Variants in NAV1 observed in about 807,000 individuals in gnomAD.
The protein encoded by NAV1 is pore membrane and/or filament interacting like protein 3.
A neutral mutation model predicts 175.2 loss-of-function variants in NAV1; 18 were observed. That is an observed-to-expected ratio of 0.10 (90% CI 0.07 to 0.15). The LOEUF is 0.15. Ranked by LOEUF, NAV1 falls within the 10% of genes least tolerant of loss-of-function variation. The pLI, the probability that NAV1 is intolerant of heterozygous loss-of-function variation, is 1.00. For missense variants in NAV1, 1,731 were observed against 2,436.6 expected, an observed-to-expected ratio of 0.71 and a Z score of 6.10; for synonymous variants, 897 against 978.7, an observed-to-expected ratio of 0.92 and a Z score of 1.56.
intron 29 of NAV1, 80 bp from the exon 34 acceptor site, chr1:201,819,757 T>G: frequency 7.7e-7 from 1 of 1,292,486 alleles, no homozygotes; most frequent in Non-Finnish European, 1.1e-6. Flanking sequence ...AGTGTTGGGA[T>G]TTTGTTGTTG....
chr1:201,741,898 C>A (rs955439298), intron 3 of NAV1, among the ~76,000 whole-genome samples: 1 of 152,196 alleles, frequency 6.6e-6, no homozygotes, highest in Admixed American at 6.5e-5. Flanking sequence ...TAGCTCATTA[C>A]CAGAAACAGA....
intron 2 of NAV1, among the ~76,000 whole-genome samples, chr1:201,615,472 C>A (rs930131817): frequency 2.6e-5 from 4 of 152,068 alleles, no homozygotes; most frequent in African/African-American, 7.2e-5. Flanking sequence ...ACCATCTTGG[C>A]TAGGCTGGTT....
chr1:201,766,465 G>C (rs1009773464), intron 3 of NAV1, among the ~76,000 whole-genome samples: 1 of 152,172 alleles, frequency 6.6e-6, no homozygotes, highest in African/African-American at 2.4e-5. Context: ...TCTCTAGATG[G>C]TCTTGATTCA....
rs779069955 is a variant in NAV1 at position 201,786,448 on chromosome 1, G to C, written c.2866G>C (p.Glu956Gln). 18 of 1,613,330 alleles carry C rather than the reference G, an allele frequency of 1.1e-5. No homozygotes were observed. Among genetic ancestry groups the C allele is most frequent in the Admixed American group, 1.7e-5 (1 of 59,928 alleles). Residue 956 changes from glutamate to glutamine, a missense_variant, in exon 9 of 30, where the codon GAG becomes CAG. This residue lies in a region of NAV1 where 634 missense variants were observed against 766.8 expected (regional missense o/e 0.83). Transcript: ENST00000367296. ...CTACAGGTACCAGCTTCAGTCCCAG[G>C]AGGAGACCAAGGAGAGGCGACATTC... is the stretch of plus-strand genomic sequence containing the variant.
rs764782868 is a variant in NAV1, at chr1:201,808,545, C to T, written c.3973C>T (p.Arg1325Cys). 1.9e-6 allele frequency: 3 copies of T among 1,614,096 alleles called. No individual in the cohort carries two copies. The highest frequency in any genetic ancestry group is 1.7e-5 in the Admixed American group (1 of 60,010). Residue 1325 changes from arginine (R) to cysteine (C), a missense_variant, in exon 19 of 30, where the codon CGC (arginine) becomes TGC (cysteine). Around this residue, in one of 13 missense-constraint regions of NAV1, gnomAD observed 18 missense variants for 56.2 expected, o/e 0.32. Transcript: ENST00000367296. The surrounding 1 kb of genome is among the most constrained non-coding windows in gnomAD (Gnocchi z 5.5). ...GAAGGAAATGAAGCTTACAGACATC[C>T]GCTTGGAGGCCCTCAACTCTGCCCA...
chr1:201,818,228 C>T (rs1197680635), intron 29 of NAV1, among the ~76,000 whole-genome samples: 2 of 151,834 alleles, frequency 1.3e-5, no homozygotes, highest in African/African-American at 4.8e-5. Flanking sequence ...GACCCCATCT[C>T]TTAGGAGAAA....
chr1:201,802,503 G>A (rs1353555941), intron 15 of NAV1, among the ~76,000 whole-genome samples: 2 of 150,092 alleles, frequency 1.3e-5, no homozygotes, highest in Non-Finnish European at 3.0e-5. Flanking sequence ...AAAGGAGGCC[G>A]GGCGCAGTGG....
At chr1:201,648,577 TC>T in exon 1 of NAV1, 3 of 1,138,946 alleles carry the variant, frequency 2.6e-6, no homozygotes, top group Non-Finnish European at 3.3e-6. Flanking sequence ...CCCCTCCTCC[TC>T]CCCCGCCTCC....
intron 1 of NAV1, among the ~76,000 whole-genome samples, chr1:201,703,253 A>T (rs1330775189): frequency 6.6e-6 from 1 of 152,222 alleles, no homozygotes; most frequent in African/African-American, 2.4e-5. Context: ...TGGGCAGGAA[A>T]GTCAAGGCCT....
chr1:201,607,976 G>T lies in NAV1; in HGVS notation c.-32-14877G>T, dbSNP rs551442626. Among the ~76,000 whole-genome samples the T allele has an allele frequency of 1.9e-4, 29 of 151,486 alleles. No individual in the cohort carries two copies. The South Asian group carries it at 5.2e-3, about 27-fold the overall frequency. On this transcript the variant is annotated intron_variant, in intron 2 of 33. Coordinates refer to the NAV1 transcript ENST00000685211. ...TACAAATGCTAATAATTGACTTAGT[G>T]GGGTGATAACTTGATAGGTGATAGA...
exon 30 of NAV1, chr1:201,823,908 GTAGCCTGCTGCT>G (rs2102853977): frequency 6.6e-6 from 1 of 152,066 alleles, no homozygotes. Flanking sequence ...GAGAGAAATG[GTAGCCTGCTGCT>G]TCTCACAGAC....
chr1:201,598,422 C>T (rs1033821236), intron 2 of NAV1, among the ~76,000 whole-genome samples: 1 of 152,144 alleles, frequency 6.6e-6, no homozygotes, highest in Non-Finnish European at 1.5e-5. Context: ...GTTATCAGAA[C>T]CACAATTCGA....
chr1:201,766,778 C>T (rs1481891486), intron 3 of NAV1, among the ~76,000 whole-genome samples: 1 of 152,098 alleles, frequency 6.6e-6, no homozygotes, highest in African/African-American at 2.4e-5. Flanking sequence ...TTTAGGACAG[C>T]GCTTTCCAAC....
chr1:201,811,128 C>A (rs745427054), intron 24 of NAV1, among the ~76,000 whole-genome samples: 4 of 152,178 alleles, frequency 2.6e-5, no homozygotes, highest in Non-Finnish European at 5.9e-5. Context: ...CAATCCCATC[C>A]CTTCTCTTTT....
At chr1:201,581,255 G>A (rs1165007441) in intron 1 of NAV1, among the ~76,000 whole-genome samples, 1 of 152,190 alleles carries the variant, frequency 6.6e-6, no homozygotes, top group African/African-American at 2.4e-5. Flanking sequence ...GGTGGAGATG[G>A]GTTGCAGGGA....
chr1:201,566,026 G>A (rs1666345494), intron 1 of NAV1, among the ~76,000 whole-genome samples: 1 of 152,146 alleles, frequency 6.6e-6, no homozygotes, highest in African/African-American at 2.4e-5. Context: ...TTCAGATCCT[G>A]GCTGCTCCTC....
chr1:201,580,210 C>T lies in NAV1; in HGVS notation c.-143-8329C>T, dbSNP rs1035618661. On this transcript the variant is annotated intron_variant, in intron 1 of 33. Transcript: ENST00000685211. ...CCCACATTGGGTGAAGACAGATCTTCCTTACTCAGTCCACTGACTCAAATG... is the reference window on the plus strand; with the variant it reads ...CCCACATTGGGTGAAGACAGATCTTTCTTACTCAGTCCACTGACTCAAATG... 3.9e-5 allele frequency among the ~76,000 whole-genome samples: 6 copies of T among 152,302 alleles called. No homozygotes were observed. The South Asian group carries it at 1.2e-3, about 32-fold the overall frequency.
In NAV1 at chr1:201,570,994, C is replaced by T. The variant is rs7512363; in HGVS notation, c.-143-17545C>T. Among the ~76,000 whole-genome samples, 504 of 152,380 alleles carry T rather than the reference C, an allele frequency of 3.3e-3. 1 individual carries two copies. The highest frequency in any genetic ancestry group is 0.012 in the African/African-American group (484 of 41,594). ...TCTCAGCACCCATTTCCGCTGTGTC[C>T]GCATCCACCCCTGCCAGGGTCGAGG... On this transcript the variant is annotated intron_variant, in intron 1 of 33. Coordinates refer to the NAV1 transcript ENST00000685211.
At chr1:201,591,836 T>A (rs1050853151) in intron 2 of NAV1, among the ~76,000 whole-genome samples, 2 of 152,078 alleles carry the variant, frequency 1.3e-5, no homozygotes, top group African/African-American at 4.8e-5. Flanking sequence ...GGACATGGAC[T>A]CAAACTGAGG....
Sources: allele counts gnomAD v4.1 joint callset (sites outside exome capture counted in the v4.1 genomes callset), GRCh38; gene constraint gnomAD v4.1.1; regional missense constraint gnomAD v4.1.1; non-coding constraint Gnocchi (gnomAD v3.1); transcripts MANE v1.5; gene names NCBI Gene and HGNC (gene_info 2026-07-23, HGNC 2026-07-21).